Variants in NKAIN2 observed in about 807,000 individuals in gnomAD.
NKAIN2 encodes the protein sodium/potassium-transporting ATPase subunit beta-1-interacting protein 2.
Under a neutral mutation model 32.6 loss-of-function variants are expected in NKAIN2, and 14 were observed. The observed-to-expected ratio is 0.43, with a 90% CI of 0.28 to 0.67. NKAIN2 has a LOEUF of 0.67. NKAIN2 is among the 30% of genes least tolerant of loss of function. The pLI is 0.17. For synonymous variants in NKAIN2, 80 were observed against 87.2 expected (o/e 0.92, Z 0.46); for missense variants, 198 against 258.3 (o/e 0.77, Z 1.60).
At chr6:123,972,845 T>C (rs974749847) in intron 1 of NKAIN2, among the ~76,000 whole-genome samples, 9 of 152,140 alleles carry the variant, frequency 5.9e-5, no homozygotes, top group African/African-American at 2.2e-4. Context: ...GGTAGATAAA[T>C]ACAAAGTTGT....
At chr6:123,994,625 C>G (rs111994927) in intron 1 of NKAIN2, among the ~76,000 whole-genome samples, 88 of 152,172 alleles carry the variant, frequency 5.8e-4, no homozygotes, top group African/African-American at 2.1e-3. Flanking sequence ...TTCTCCACCC[C>G]CTCCAATAAG....
chr6:124,726,356 G>C (rs1776306572), intron 4 of NKAIN2, among the ~76,000 whole-genome samples: 1 of 152,236 alleles, frequency 6.6e-6, no homozygotes, highest in African/African-American at 2.4e-5. Context: ...CACAGCTAGA[G>C]ATCTGAGAAC....
intron 1 of NKAIN2, among the ~76,000 whole-genome samples, chr6:124,200,901 C>T (rs977966587): frequency 6.6e-6 from 1 of 152,144 alleles, no homozygotes; most frequent in Non-Finnish European, 1.5e-5. Context: ...GCTAATTAAC[C>T]AGTGTAGAAC....
intron 1 of NKAIN2, among the ~76,000 whole-genome samples, chr6:123,865,369 A>G (rs1270624844): frequency 1.3e-5 from 2 of 152,110 alleles, no homozygotes; most frequent in African/African-American, 4.8e-5. Flanking sequence ...AATTCATTCT[A>G]GAAGAGTCTT....
intron 1 of NKAIN2, among the ~76,000 whole-genome samples, chr6:123,890,627 T>G (rs1449232611): frequency 6.6e-6 from 1 of 152,120 alleles, no homozygotes; most frequent in African/African-American, 2.4e-5. Context: ...TTATATCCAT[T>G]AGGATGGCTA....
At chr6:124,407,881 T>C (rs12184076) in intron 3 of NKAIN2, among the ~76,000 whole-genome samples, 26,452 of 144,274 alleles carry the variant, frequency 0.18, 2,238 homozygotes, top group East Asian at 0.22. Flanking sequence ...TTTTAATGAT[T>C]GCCATTCTAA....
intron 1 of NKAIN2, among the ~76,000 whole-genome samples, chr6:124,279,510 CAAAA>C (rs10545991): frequency 0.2 from 16,081 of 78,564 alleles, 975 homozygotes; most frequent in East Asian, 0.4. Context: ...GATTCCATCT[CAAAA>C]AAAAAAAAAA....
chr6:124,787,478 C>A (rs1779560376), intron 4 of NKAIN2, among the ~76,000 whole-genome samples: 1 of 151,906 alleles, frequency 6.6e-6, no homozygotes, highest in African/African-American at 2.4e-5. Context: ...AGGTGCAAGG[C>A]TGACTAGGGA....
chr6:124,476,095 T>TGTGTGC (rs1554213844), intron 3 of NKAIN2, among the ~76,000 whole-genome samples: 1 of 142,358 alleles, frequency 7.0e-6, no homozygotes, highest in African/African-American at 2.6e-5. Flanking sequence ...TGTGTGTGTG[T>TGTGTGC]GTGCGTGCGC....
intron 2 of NKAIN2, among the ~76,000 whole-genome samples, chr6:124,304,420 A>T (rs1292810489): frequency 6.6e-6 from 1 of 152,214 alleles, no homozygotes; most frequent in East Asian, 1.9e-4. Context: ...TATAAGAAGA[A>T]GAAAAGCATA....
intron 2 of NKAIN2, among the ~76,000 whole-genome samples, chr6:124,347,604 C>G (rs1171108672): frequency 6.6e-6 from 1 of 152,156 alleles, no homozygotes; most frequent in Non-Finnish European, 1.5e-5. Flanking sequence ...GTCACTGATA[C>G]CCTTTCTTCC....
At chr6:124,250,910 G>A (rs1793665631) in intron 1 of NKAIN2, among the ~76,000 whole-genome samples, 1 of 151,902 alleles carries the variant, frequency 6.6e-6, no homozygotes, top group Non-Finnish European at 1.5e-5. Flanking sequence ...TGATATCTAA[G>A]GACTTGGTAT....
At chr6:124,623,386 T>C (rs577510819) in intron 3 of NKAIN2, among the ~76,000 whole-genome samples, 103 of 152,192 alleles carry the variant, frequency 6.8e-4, no homozygotes, top group Non-Finnish European at 1.2e-3. Flanking sequence ...TATGCATGTG[T>C]GGCTTATCAG....
At chr6:124,711,475 T>A (rs1775454161) in intron 4 of NKAIN2, among the ~76,000 whole-genome samples, 1 of 151,236 alleles carries the variant, frequency 6.6e-6, no homozygotes, top group Non-Finnish European at 1.5e-5. Context: ...ACAGATTTGG[T>A]CTTTTCACAT....
At chr6:124,442,639 T>C (rs9320991) in intron 3 of NKAIN2, among the ~76,000 whole-genome samples, 108,644 of 151,900 alleles carry the variant, frequency 0.72, 40,157 homozygotes, top group South Asian at 0.81. Flanking sequence ...TGAATTATGA[T>C]GCAGTAGTTC....
At chr6:124,523,012 G>T (rs1360674812) in intron 3 of NKAIN2, among the ~76,000 whole-genome samples, 1 of 132,896 alleles carries the variant, frequency 7.5e-6, no homozygotes, top group Non-Finnish European at 1.6e-5. Context: ...GCGTAGTGGC[G>T]GGCGCCTGTA....
chr6:123,876,701 CT>C (rs1359396232), intron 1 of NKAIN2, among the ~76,000 whole-genome samples: 1 of 152,180 alleles, frequency 6.6e-6, no homozygotes, highest in Non-Finnish European at 1.5e-5. Context: ...TGAATTGAAC[CT>C]TCTCCCTTTT....
At chr6:124,395,871 C>T (rs770644733) in intron 3 of NKAIN2, among the ~76,000 whole-genome samples, 4 of 152,094 alleles carry the variant, frequency 2.6e-5, no homozygotes, top group South Asian at 4.2e-4. Context: ...TACAGAGTCT[C>T]GGAGTAATAA....
chr6:124,303,907 G>T (rs1796401199), intron 2 of NKAIN2, among the ~76,000 whole-genome samples: 1 of 152,192 alleles, frequency 6.6e-6, no homozygotes, highest in Non-Finnish European at 1.5e-5. Context: ...ATTTGTTCAT[G>T]ATTGCAAGGG....
Sources: gnomAD v4.1 joint callset for allele counts (sites outside exome capture counted in the v4.1 genomes callset) on GRCh38, gnomAD v4.1.1 for gene constraint, MANE v1.5 for transcripts, NCBI Gene and HGNC (gene_info 2026-07-23, HGNC 2026-07-21) for gene names.